NPAS3: variants seen among roughly 807,000 people sequenced by gnomAD.
The protein encoded by NPAS3 is neuronal PAS domain protein 3, also known as neuronal PAS domain-containing protein 3.
A neutral mutation model predicts 73.1 loss-of-function variants in NPAS3; 14 were observed. The observed-to-expected ratio is 0.19, with a 90% CI of 0.13 to 0.30. NPAS3 has a LOEUF of 0.30. Ranked by LOEUF, NPAS3 falls within the 10% of genes least tolerant of loss-of-function variation. The probability of loss-of-function intolerance (pLI) is 1.00; values close to 1 mark genes in which losing one functional copy is unlikely to be tolerated. For synonymous variants in NPAS3, 620 were observed against 541.5 expected (o/e 1.14, Z -2.01); for missense variants, 1,096 against 1,250.0 (o/e 0.88, Z 1.86).
chr14:33,309,802 CT>C (rs1566783642), intron 3 of NPAS3, among the ~76,000 whole-genome samples: 1 of 152,144 alleles, frequency 6.6e-6, no homozygotes, highest in Non-Finnish European at 1.5e-5. Flanking sequence ...CAATTATTTT[CT>C]GTAAGTCTGC....
At chr14:33,235,298 A>G (rs1486964920) in intron 3 of NPAS3, among the ~76,000 whole-genome samples, 1 of 152,138 alleles carries the variant, frequency 6.6e-6, no homozygotes, top group South Asian at 2.1e-4. Context: ...TAATTAAGCG[A>G]TAGTATAAAT....
intron 4 of NPAS3, among the ~76,000 whole-genome samples, chr14:33,497,372 A>C (rs1341577320): frequency 6.6e-6 from 1 of 152,174 alleles, no homozygotes; most frequent in Non-Finnish European, 1.5e-5. Flanking sequence ...TGGAGCCAAA[A>C]AAGGGCCCAT....
intron 1 of NPAS3, among the ~76,000 whole-genome samples, chr14:33,048,348 G>A (rs1193033309): frequency 6.6e-6 from 1 of 152,208 alleles, no homozygotes; most frequent in Non-Finnish European, 1.5e-5. Context: ...GATCAGCATT[G>A]TAGGGATCCA....
intron 1 of NPAS3, among the ~76,000 whole-genome samples, chr14:33,008,749 G>A (rs184446217): frequency 2.8e-4 from 43 of 152,230 alleles, no homozygotes; most frequent in South Asian, 6.2e-4. Flanking sequence ...TATTTATTGC[G>A]TAGGCCTTGG....
intron 3 of NPAS3, among the ~76,000 whole-genome samples, chr14:33,327,978 A>C (rs763103545): frequency 2.0e-5 from 3 of 152,092 alleles, no homozygotes; most frequent in Non-Finnish European, 4.4e-5. Context: ...ACATTGTAAA[A>C]CCATCTCTGG....
At chr14:33,642,528 T>A (rs1369917876) in intron 5 of NPAS3, among the ~76,000 whole-genome samples, 1 of 152,224 alleles carries the variant, frequency 6.6e-6, no homozygotes, top group Non-Finnish European at 1.5e-5. Context: ...AGATCATTTC[T>A]TTTAAGTCTG....
At chr14:33,659,464 G>C in intron 5 of NPAS3, among the ~76,000 whole-genome samples, 1 of 152,170 alleles carries the variant, frequency 6.6e-6, no homozygotes, top group East Asian at 1.9e-4. Flanking sequence ...GACTGTCCCA[G>C]AACCCAACCA....
intron 2 of NPAS3, among the ~76,000 whole-genome samples, chr14:33,167,779 GA>G (rs1196901581): frequency 6.6e-6 from 1 of 152,118 alleles, no homozygotes; most frequent in Non-Finnish European, 1.5e-5. Context: ...ACATTGGGAG[GA>G]AAAACCCAAC....
At chr14:33,188,973 C>A (rs1350313237) in intron 2 of NPAS3, among the ~76,000 whole-genome samples, 1 of 152,054 alleles carries the variant, frequency 6.6e-6, no homozygotes, top group African/African-American at 2.4e-5. Flanking sequence ...CCTCAATAGC[C>A]TTTATTTGCT....
At position 33,205,934 on chromosome 14, in the gene NPAS3, A is replaced by G. The variant is rs1427865079; in HGVS notation, c.141-9248A>G. On this transcript the variant is annotated intron_variant, in intron 2 of 11. Coordinates refer to ENST00000356141, the Ensembl canonical transcript of NPAS3. ...ATTAAAAGAAAAAATGAATTTTCCC[A>G]CTAGAAAGGTCGTTTGAATTTGAAT... Among the ~76,000 whole-genome samples, 4 of 152,196 alleles carry G rather than the reference A, an allele frequency of 2.6e-5. 1 individual carries two copies. The highest frequency in any genetic ancestry group is 4.1e-4 in the South Asian group (2 of 4,834).
At chr14:33,282,388 C>T (rs961470732) in intron 3 of NPAS3, among the ~76,000 whole-genome samples, 6 of 152,096 alleles carry the variant, frequency 3.9e-5, no homozygotes, top group African/African-American at 9.7e-5. Flanking sequence ...CGATTAAAAC[C>T]GCAGAGGCAT....
At chr14:33,708,429 T>C (rs948817587) in intron 6 of NPAS3, among the ~76,000 whole-genome samples, 11 of 152,056 alleles carry the variant, frequency 7.2e-5, no homozygotes, top group African/African-American at 2.7e-4. Context: ...TTGAGCCAAA[T>C]TGGTAACCAT....
intron 6 of NPAS3, among the ~76,000 whole-genome samples, chr14:33,691,130 A>C (rs1163062023): frequency 2.6e-5 from 4 of 152,258 alleles, no homozygotes; most frequent in African/African-American, 4.8e-5. Flanking sequence ...GACAGTTGTC[A>C]ATCTGGGTGA....
At chr14:33,055,533 A>T (rs955774702) in intron 1 of NPAS3, among the ~76,000 whole-genome samples, 1 of 152,254 alleles carries the variant, frequency 6.6e-6, no homozygotes, top group Non-Finnish European at 1.5e-5. Flanking sequence ...TGAACTAATG[A>T]CAGTCCTATA....
At chr14:32,964,709 G>T (rs1233325386) in intron 1 of NPAS3, among the ~76,000 whole-genome samples, 1 of 152,104 alleles carries the variant, frequency 6.6e-6, no homozygotes, top group Non-Finnish European at 1.5e-5. Flanking sequence ...GTGCAGTGTG[G>T]CTCACGCCTG....
At chr14:32,996,398 C>T (rs939480599) in intron 1 of NPAS3, among the ~76,000 whole-genome samples, 2 of 152,130 alleles carry the variant, frequency 1.3e-5, no homozygotes, top group Non-Finnish European at 1.5e-5. Context: ...TAACGAGGAA[C>T]AAAATGTTAA....
intron 3 of NPAS3, among the ~76,000 whole-genome samples, chr14:33,318,596 T>C (rs2140227240): frequency 6.6e-6 from 1 of 152,278 alleles, no homozygotes; most frequent in South Asian, 2.1e-4. Flanking sequence ...ATTTTTAGAC[T>C]AAGCAGCTAG....
chr14:33,066,930 A>G (rs1448046769), intron 2 of NPAS3, among the ~76,000 whole-genome samples: 1 of 152,230 alleles, frequency 6.6e-6, no homozygotes, highest in Non-Finnish European at 1.5e-5. Context: ...AAAGGAAAGA[A>G]CATGCTCCAA....
At chr14:33,493,017 G>A (rs113167887) in intron 4 of NPAS3, among the ~76,000 whole-genome samples, 37 of 152,152 alleles carry the variant, frequency 2.4e-4, no homozygotes, top group African/African-American at 8.2e-4. Flanking sequence ...AAAAATTCCC[G>A]GTAAGGTATG....
Sources: allele counts gnomAD v4.1 joint callset (sites outside exome capture counted in the v4.1 genomes callset), GRCh38; gene constraint gnomAD v4.1.1; transcripts MANE v1.5; gene names NCBI Gene and HGNC (gene_info 2026-07-23, HGNC 2026-07-21).